Variants in SCAMP1 observed in about 807,000 individuals in gnomAD.
The protein encoded by SCAMP1 is secretory carrier-associated membrane protein 1.
A neutral mutation model predicts 41.8 loss-of-function variants in SCAMP1; 15 were observed. The observed-to-expected ratio is 0.36, with a 90% confidence interval of 0.24 to 0.55. The LOEUF (loss-of-function observed/expected upper bound fraction) is 0.55, where lower values mean the gene tolerates loss of function less well. SCAMP1 is among the 20% of genes least tolerant of loss of function. SCAMP1 has a pLI of 0.86. For synonymous variants in SCAMP1, 135 were observed against 136.8 expected (o/e 0.99, Z 0.09); for missense variants, 341 against 412.6 (o/e 0.83, Z 1.50).
rs1237978245 is a variant in SCAMP1 at position 78,477,814 on chromosome 5, A to G, written c.*2146A>G. On this transcript the variant is annotated 3_prime_UTR_variant, in exon 9 of 9. Transcript: ENST00000621999. ...GTGCATTGAAATGATGGCAATGCTTATAGTATGATCAAGTATGAAAGGAAC... is the reference window on the plus strand; with the variant it reads ...GTGCATTGAAATGATGGCAATGCTTGTAGTATGATCAAGTATGAAAGGAAC... 6.6e-6 allele frequency: 1 copy of G among 152,128 alleles called. No homozygotes were observed. Among genetic ancestry groups the G allele is most frequent in the Non-Finnish European group, 1.5e-5 (1 of 67,964 alleles). The allele number at this position is 152,128 out of a possible 1,614,324, so 9.4% of individuals were successfully genotyped here.
chr5:78,371,841 C>G (rs1750950057), intron 1 of SCAMP1, among the ~76,000 whole-genome samples: 2 of 152,170 alleles, frequency 1.3e-5, no homozygotes, highest in Admixed American at 1.3e-4. Flanking sequence ...AGCAGAAACA[C>G]TGGAACCCCT....
chr5:78,447,385 T>C (rs1580702439), intron 6 of SCAMP1, among the ~76,000 whole-genome samples: 2 of 152,106 alleles, frequency 1.3e-5, no homozygotes. Flanking sequence ...CAAAATAGTA[T>C]AATATTGACA....
At chr5:78,445,864 T>C (rs1753040436) in intron 6 of SCAMP1, among the ~76,000 whole-genome samples, 1 of 152,236 alleles carries the variant, frequency 6.6e-6, no homozygotes, top group African/African-American at 2.4e-5. Flanking sequence ...TTGTGCTCTC[T>C]TGGAGATAAG....
At chr5:78,420,138 C>T (rs1361411736) in intron 5 of SCAMP1, among the ~76,000 whole-genome samples, 2 of 152,142 alleles carry the variant, frequency 1.3e-5, no homozygotes, top group Non-Finnish European at 2.9e-5. Flanking sequence ...TCACTGCAAC[C>T]TCCGCTTCCC....
intron 1 of SCAMP1, among the ~76,000 whole-genome samples, chr5:78,362,321 T>C (rs1156769420): frequency 6.6e-6 from 1 of 152,244 alleles, no homozygotes; most frequent in Non-Finnish European, 1.5e-5. Flanking sequence ...CAGTGTATTT[T>C]CTACTTGGTC....
chr5:78,446,126 A>C (rs1753046631), intron 6 of SCAMP1, among the ~76,000 whole-genome samples: 1 of 152,202 alleles, frequency 6.6e-6, no homozygotes, highest in African/African-American at 2.4e-5. Context: ...TGAGGTTTTC[A>C]TTTGATCAGT....
intron 1 of SCAMP1, among the ~76,000 whole-genome samples, chr5:78,374,417 T>C (rs1179976686): frequency 6.6e-6 from 1 of 152,118 alleles, no homozygotes; most frequent in Non-Finnish European, 1.5e-5. Context: ...AATTGTTTCA[T>C]GGAATTGCTT....
intron 2 of SCAMP1, among the ~76,000 whole-genome samples, chr5:78,413,658 T>G (rs1205787186): frequency 6.6e-6 from 1 of 152,192 alleles, no homozygotes; most frequent in Non-Finnish European, 1.5e-5. Flanking sequence ...GCTCAGGCGA[T>G]CTGCCCACCT....
rs144657108 is a variant in SCAMP1 at position 78,395,756 on chromosome 5, C to T, written c.135+6842C>T. On this transcript the variant is annotated intron_variant, in intron 2 of 8. Coordinates refer to ENST00000621999, the MANE Select transcript of SCAMP1 (RefSeq NM_004866.6). ...CCTCCAGAGGCTGTATAGTTTCTTG[C>T]CCCCTGGGCCTCTCCAACATGGCCA... Among the ~76,000 whole-genome samples the T allele has an allele frequency of 4.2e-4, 64 of 152,294 alleles. 1 individual carries two copies. The highest frequency in any genetic ancestry group is 1.5e-3 in the African/African-American group (62 of 41,572).
In SCAMP1 at chr5:78,437,077, T is replaced by C. The variant is rs1447281108; in HGVS notation, c.633-12856T>C. Among the ~76,000 whole-genome samples the C allele has an allele frequency of 2.6e-5, 4 of 152,332 alleles. No homozygotes were observed. The East Asian group carries it at 7.7e-4, about 29-fold the overall frequency. On this transcript the variant is annotated intron_variant, in intron 6 of 8. Coordinates refer to ENST00000621999, the MANE Select transcript of SCAMP1 (RefSeq NM_004866.6). ...ATTTTTGCACATTGATTTTGTATCCTGAGACTTTGCTGAAGTTGCTTATCA... is the reference window on the plus strand; with the variant it reads ...ATTTTTGCACATTGATTTTGTATCCCGAGACTTTGCTGAAGTTGCTTATCA...
In SCAMP1 at chr5:78,415,450, T is replaced by G; in HGVS notation, c.136-70T>G. On this transcript the variant is annotated intron_variant, in intron 2 of 8. Transcript: ENST00000621999. ...TTTGGGATTTTTCATTTTATTGGTG[T>G]TATACTTTTTGAAAGAAGTTAAAGT... The G allele has an allele frequency of 4.4e-6, 4 of 902,880 alleles. 1 individual carries two copies. In the South Asian group the frequency reaches 4.7e-5, roughly 11 times the overall value. 55.9% of individuals were successfully genotyped at this position (902,880 alleles called of 1,614,324 possible).
intron 2 of SCAMP1, among the ~76,000 whole-genome samples, chr5:78,411,970 A>G (rs1179690445): frequency 2.0e-5 from 3 of 152,094 alleles, no homozygotes; most frequent in African/African-American, 7.2e-5. Context: ...AAAAATAATT[A>G]TGTAAAATGT....
intron 8 of SCAMP1, among the ~76,000 whole-genome samples, chr5:78,467,447 A>G (rs1753775562): frequency 6.6e-6 from 1 of 152,188 alleles, no homozygotes; most frequent in African/African-American, 2.4e-5. Context: ...TTTTCCAGGT[A>G]TACAGTTTTT....
chr5:78,363,315 C>G (rs1209573983), intron 1 of SCAMP1, among the ~76,000 whole-genome samples: 2 of 150,882 alleles, frequency 1.3e-5, no homozygotes. Context: ...TGGGTTCACA[C>G]CATTCTCCTG....
At chr5:78,398,355 CTTTTTTT>C (rs1197381285) in intron 2 of SCAMP1, among the ~76,000 whole-genome samples, 287 of 57,488 alleles carry the variant, frequency 5.0e-3, no homozygotes, top group African/African-American at 0.02. Flanking sequence ...GGGTTCACCT[CTTTTTTT>C]TTTTTTTTTT....
At chr5:78,439,368 A>G (rs1166702267) in intron 6 of SCAMP1, among the ~76,000 whole-genome samples, 2 of 151,846 alleles carry the variant, frequency 1.3e-5, no homozygotes, top group Admixed American at 6.6e-5. Context: ...GTTTTTTTCC[A>G]TGTTTAGTGC....
intron 7 of SCAMP1, among the ~76,000 whole-genome samples, chr5:78,457,113 C>G (rs1753429226): frequency 7.0e-6 from 1 of 143,840 alleles, no homozygotes; most frequent in Non-Finnish European, 1.5e-5. Context: ...TTTTCAACTT[C>G]TTTGCCTTTG....
chr5:78,379,863 C>T (rs909240671), intron 1 of SCAMP1, among the ~76,000 whole-genome samples: 2 of 152,132 alleles, frequency 1.3e-5, no homozygotes. Flanking sequence ...TACATTCTAT[C>T]TCCCTCCTTT....
At chr5:78,420,059 A>G (rs1752303760) in intron 5 of SCAMP1, among the ~76,000 whole-genome samples, 1 of 151,892 alleles carries the variant, frequency 6.6e-6, no homozygotes, top group Non-Finnish European at 1.5e-5. Flanking sequence ...TTGTCCTAGC[A>G]TTTTATTTTA....
Sources: allele counts gnomAD v4.1 joint callset (sites outside exome capture counted in the v4.1 genomes callset), GRCh38; gene constraint gnomAD v4.1.1; transcripts MANE v1.5; gene names NCBI Gene and HGNC (gene_info 2026-07-23, HGNC 2026-07-21).